PTPRT: variants seen among roughly 807,000 people sequenced by gnomAD.
PTPRT encodes protein tyrosine phosphatase receptor type T, also known as receptor-type tyrosine-protein phosphatase T.
PTPRT carries 56 observed loss-of-function variants against 176.8 expected under a neutral mutation model. That is an observed-to-expected ratio of 0.32 (90% confidence interval 0.26 to 0.40). The LOEUF (loss-of-function observed/expected upper bound fraction) is 0.40, where lower values mean the gene tolerates loss of function less well. Among genes scored for constraint, PTPRT ranks in the 10% least tolerant of loss-of-function variants. PTPRT has a pLI of 1.00. For synonymous variants in PTPRT, 783 were observed against 739.0 expected, an observed-to-expected ratio of 1.06 and a Z score of -0.96; for missense variants, 1,540 against 1,908.2, an observed-to-expected ratio of 0.81 and a Z score of 3.60.
chr20:42,979,917 C>A (rs913031153), intron 1 of PTPRT, among the ~76,000 whole-genome samples: 2 of 25,662 alleles, frequency 7.8e-5, no homozygotes, highest in Non-Finnish European at 7.5e-5. Flanking sequence ...AGCACACAGG[C>A]ATGCCTGGAG....
At chr20:42,948,139 T>C (rs1459221521) in intron 1 of PTPRT, among the ~76,000 whole-genome samples, 1 of 152,184 alleles carries the variant, frequency 6.6e-6, no homozygotes, top group African/African-American at 2.4e-5. Context: ...GAGGACTCCG[T>C]CCATCTCAGC....
rs1019438076 is a variant in PTPRT, at chr20:43,189,512, C to T, written c.88+134G>A. ...TGCTTCCCGCGCCTGCAAGCTGAGA[C>T]CCGGGTTCCGGCCATGGGGACCCGC... is the stretch of plus-strand genomic sequence containing the variant. On this transcript the variant is annotated intron_variant, in intron 1 of 30. Transcript: ENST00000373187. The surrounding 1 kb of genome is among the most constrained non-coding windows in gnomAD (Gnocchi z 5.0). 2 of 478,850 alleles carry T rather than the reference C, an allele frequency of 4.2e-6. No individual in the cohort carries two copies. Among genetic ancestry groups the T allele is most frequent in the Non-Finnish European group, 6.3e-6 (2 of 319,830 alleles). 29.7% of individuals were successfully genotyped at this position (478,850 alleles called of 1,614,324 possible). A position where few individuals can be genotyped will look rare whatever the true frequency, so the allele number is the denominator to read the frequency against.
At chr20:42,464,532 G>A (rs542426624) in intron 8 of PTPRT, among the ~76,000 whole-genome samples, 1 of 152,254 alleles carries the variant, frequency 6.6e-6, no homozygotes, top group South Asian at 2.1e-4. Flanking sequence ...AAGTATTTGG[G>A]AATTGACTGT....
chr20:43,050,235 A>T (rs1787291167), intron 1 of PTPRT, among the ~76,000 whole-genome samples: 1 of 152,240 alleles, frequency 6.6e-6, no homozygotes, highest in Non-Finnish European at 1.5e-5. Context: ...AGACAAGAGC[A>T]TGGGCACTGC....
At chr20:42,113,030 G>A (rs1987087457) in intron 22 of PTPRT, among the ~76,000 whole-genome samples, 1 of 152,068 alleles carries the variant, frequency 6.6e-6, no homozygotes, top group South Asian at 2.1e-4. Context: ...GTCTTCAAGG[G>A]CAGACAGCAC....
intron 14 of PTPRT, among the ~76,000 whole-genome samples, chr20:42,247,014 C>T (rs2056463175): frequency 6.6e-6 from 1 of 152,128 alleles, no homozygotes; most frequent in Non-Finnish European, 1.5e-5. Context: ...TATAATGTGG[C>T]CATGTGTTAT....
At chr20:42,917,942 G>A (rs1978885682) in intron 1 of PTPRT, among the ~76,000 whole-genome samples, 1 of 152,108 alleles carries the variant, frequency 6.6e-6, no homozygotes, top group African/African-American at 2.4e-5. Context: ...TCATTTGACT[G>A]ATAAAGCTTG....
intron 2 of PTPRT, among the ~76,000 whole-genome samples, chr20:42,842,810 A>G (rs893424023): frequency 5.3e-5 from 8 of 152,218 alleles, no homozygotes; most frequent in African/African-American, 1.7e-4. Flanking sequence ...TTCTTCATGC[A>G]TGGCAGCTTC....
intron 9 of PTPRT, among the ~76,000 whole-genome samples, chr20:42,380,656 T>C (rs774349908): frequency 2.0e-5 from 3 of 152,198 alleles, no homozygotes; most frequent in Non-Finnish European, 4.4e-5. Flanking sequence ...GCTCTTAGCG[T>C]AGCTTTGCAT....
intron 11 of PTPRT, among the ~76,000 whole-genome samples, chr20:42,338,216 A>G (rs1244794328): frequency 6.6e-6 from 1 of 152,212 alleles, no homozygotes; most frequent in Non-Finnish European, 1.5e-5. Context: ...ATGTTTCTGT[A>G]ATTTATATAC....
In PTPRT at chr20:42,869,289, GGA is replaced by G. The variant is rs2078803992; in HGVS notation, c.214+16516_214+16517del. ...GCCACCATCACGCAACACAAGCCTG[GGA>G]GAGAGACAGGCACCCAACCCCAACC... On this transcript the variant is annotated intron_variant, in intron 2 of 30. Transcript: ENST00000373187. Among the ~76,000 whole-genome samples the G allele has an allele frequency of 2.0e-5, 3 of 152,234 alleles. No homozygotes were observed. In the South Asian group the frequency reaches 6.2e-4, roughly 32 times the overall value.
At chr20:42,344,185 G>C (rs4812587) in intron 11 of PTPRT, among the ~76,000 whole-genome samples, 101,420 of 152,138 alleles carry the variant, frequency 0.67, 34,010 homozygotes, top group East Asian at 0.91. Flanking sequence ...CAGACATGAG[G>C]CATCAGGCCC....
At chr20:42,155,809 T>C (rs1600602594) in intron 17 of PTPRT, among the ~76,000 whole-genome samples, 3 of 152,174 alleles carry the variant, frequency 2.0e-5, no homozygotes, top group Non-Finnish European at 4.4e-5. Flanking sequence ...ATATTTTCCT[T>C]GAATTACTGT....
rs551030541 is a variant in PTPRT at position 42,599,575 on chromosome 20, G to C, written c.1153+78291C>G. On this transcript the variant is annotated intron_variant, in intron 7 of 30. Transcript: ENST00000373187. ...TCCAGGGTCTGCTACTCTGCTATCT[G>C]GGAAGATGCTCATTTGCATTGGTTC... Among the ~76,000 whole-genome samples, 8 of 152,204 alleles carry C rather than the reference G, an allele frequency of 5.3e-5. No individual in the cohort carries two copies. The East Asian group carries it at 1.5e-3, about 29-fold the overall frequency.
chr20:42,117,249 T>C (rs1987335613), intron 21 of PTPRT, among the ~76,000 whole-genome samples: 1 of 152,210 alleles, frequency 6.6e-6, no homozygotes, highest in South Asian at 2.1e-4. Flanking sequence ...CTCCTTCCCA[T>C]CGTCGCAGAG....
intron 11 of PTPRT, among the ~76,000 whole-genome samples, chr20:42,325,375 G>A (rs571772816): frequency 8.5e-5 from 13 of 152,112 alleles, no homozygotes; most frequent in Admixed American, 4.6e-4. Flanking sequence ...TACATTTAAT[G>A]AAAGTGAATT....
intron 1 of PTPRT, among the ~76,000 whole-genome samples, chr20:43,147,417 G>A (rs192599530): frequency 4.3e-4 from 65 of 152,150 alleles, no homozygotes; most frequent in African/African-American, 1.1e-3. Flanking sequence ...CCTACACATC[G>A]CTTCGTCAGA....
At chr20:43,113,273 TA>T (rs2012936446) in intron 1 of PTPRT, among the ~76,000 whole-genome samples, 1 of 152,222 alleles carries the variant, frequency 6.6e-6, no homozygotes, top group Admixed American at 6.5e-5. Context: ...TTTGGCTTAT[TA>T]AAAAAGTAAT....
chr20:42,829,103 C>A (rs2078045672), intron 2 of PTPRT, among the ~76,000 whole-genome samples: 1 of 152,176 alleles, frequency 6.6e-6, no homozygotes, highest in African/African-American at 2.4e-5. Flanking sequence ...ACCAAGCTGC[C>A]CAAGGCCATG....
Sources: gnomAD v4.1 joint callset for allele counts (sites outside exome capture counted in the v4.1 genomes callset) on GRCh38, gnomAD v4.1.1 for gene constraint, Gnocchi (gnomAD v3.1) non-coding constraint, MANE v1.5 for transcripts, NCBI Gene and HGNC (gene_info 2026-07-23, HGNC 2026-07-21) for gene names.